The following PCDH15 variants were observed in gnomAD, a reference collection of about 807,000 sequenced individuals.
PCDH15 encodes protocadherin related 15.
PCDH15 carries 129 observed loss-of-function variants against 178.5 expected under a neutral mutation model. The ratio of observed to expected loss-of-function variants is 0.72; its 90% CI spans 0.63 to 0.84. The LOEUF (loss-of-function observed/expected upper bound fraction) is 0.84. Among genes scored for constraint, PCDH15 ranks in the 40% least tolerant of loss-of-function variants. PCDH15 has a pLI of 0.00. For missense variants in PCDH15, 2,230 were observed against 2,099.9 expected (o/e 1.06, Z -1.21); for synonymous variants, 800 against 732.0 (o/e 1.09, Z -1.50).
At chr10:54,669,512 A>G (rs2135485571) in intron 1 of PCDH15, among the ~76,000 whole-genome samples, 1 of 151,358 alleles carries the variant, frequency 6.6e-6, no homozygotes, top group Non-Finnish European at 1.5e-5. Flanking sequence ...AATGATAGGT[A>G]ATATCAATGA....
At chr10:54,432,210 G>GA (rs918415714) in intron 3 of PCDH15, among the ~76,000 whole-genome samples, 3 of 151,576 alleles carry the variant, frequency 2.0e-5, no homozygotes, top group Admixed American at 6.6e-5. Flanking sequence ...CACAAAAATA[G>GA]AAAAAAATTC....
intron 21 of PCDH15, among the ~76,000 whole-genome samples, chr10:53,975,423 C>T (rs2090106909): frequency 1.3e-5 from 2 of 151,700 alleles, no homozygotes; most frequent in South Asian, 4.2e-4. Flanking sequence ...GTTTTTTTTC[C>T]CCCCATAACC....
At chr10:54,988,171 G>C (rs1839416834) in intron 2 of PCDH15, among the ~76,000 whole-genome samples, 1 of 152,120 alleles carries the variant, frequency 6.6e-6, no homozygotes, top group African/African-American at 2.4e-5. Flanking sequence ...TCAGATGGTT[G>C]CAAATGTATG....
intron 2 of PCDH15, among the ~76,000 whole-genome samples, chr10:54,530,533 T>G (rs2083798580): frequency 6.6e-6 from 1 of 152,182 alleles, no homozygotes; most frequent in Admixed American, 6.5e-5. Flanking sequence ...AAAGAATGTT[T>G]GTTGACTTTT....
At chr10:53,952,282 T>G (rs980924503) in intron 23 of PCDH15, among the ~76,000 whole-genome samples, 4 of 152,188 alleles carry the variant, frequency 2.6e-5, no homozygotes, top group Non-Finnish European at 5.9e-5. Context: ...TATAGCCATC[T>G]GAAGGGTGAG....
At chr10:55,319,034 A>T (rs1843811330) in intron 1 of PCDH15, among the ~76,000 whole-genome samples, 1 of 137,752 alleles carries the variant, frequency 7.3e-6, no homozygotes, top group South Asian at 2.4e-4. Flanking sequence ...CCTTGCAAAA[A>T]CAAGAAAACA....
intron 25 of PCDH15, 58 bp downstream of exon 25, chr10:53,938,755 TTA>T (rs2085793590): frequency 6.5e-7 from 1 of 1,545,446 alleles, no homozygotes; most frequent in South Asian, 1.1e-5. Flanking sequence ...GGTATTTCAT[TTA>T]AAAAATTAGC....
Position 54,421,862 on chromosome 10 carries a change from TACACACACTATATATATATATAC to T in PCDH15, c.158-42943_158-42921del, listed in dbSNP as rs1565231376. The stretch of plus-strand genomic sequence containing the variant: ...TACACACACACTATATATATATATA[TACACACACTATATATATATATAC>T]ACACACACACTATATATATATATAC... On this transcript the variant is annotated intron_variant, in intron 3 of 37. Coordinates refer to ENST00000644397, the MANE Select transcript of PCDH15 (RefSeq NM_001384140.1). Among the ~76,000 whole-genome samples the T allele has an allele frequency of 2.6e-3, 298 of 113,940 alleles. 8 individuals carry two copies. The highest frequency in any genetic ancestry group is 0.011 in the African/African-American group (279 of 26,042). The allele number at this position is 113,940 out of a possible 152,430, so 74.7% of individuals were successfully genotyped here. A position where few individuals can be genotyped will look rare whatever the true frequency, so the allele number is the denominator to read the frequency against.
intron 3 of PCDH15, among the ~76,000 whole-genome samples, chr10:54,427,689 A>T (rs1351373455): frequency 3.9e-5 from 6 of 152,108 alleles, no homozygotes; most frequent in Non-Finnish European, 8.8e-5. Flanking sequence ...AATCTATTTA[A>T]TTTTTTCTTT....
chr10:55,389,330 A>G (rs945765283), intron 2 of PCDH15, among the ~76,000 whole-genome samples: 5 of 152,022 alleles, frequency 3.3e-5, no homozygotes, highest in Non-Finnish European at 7.4e-5. Flanking sequence ...TGAACACTAC[A>G]GTGATTTTTT....
chr10:54,866,112 CAT>C (rs369475420), intron 3 of PCDH15, among the ~76,000 whole-genome samples: 2 of 152,124 alleles, frequency 1.3e-5, no homozygotes, highest in African/African-American at 4.8e-5. Flanking sequence ...TTTGAGTGAT[CAT>C]AGTCTACTTC....
At chr10:53,875,184 G>A (rs1414210936) in intron 26 of PCDH15, among the ~76,000 whole-genome samples, 2 of 151,960 alleles carry the variant, frequency 1.3e-5, no homozygotes, top group African/African-American at 4.8e-5. Context: ...ATATTAAGAA[G>A]CCCAATAAAC....
chr10:54,286,878 T>A (rs1028607314), intron 8 of PCDH15, among the ~76,000 whole-genome samples: 9 of 152,180 alleles, frequency 5.9e-5, no homozygotes, highest in African/African-American at 2.2e-4. Context: ...TCCACCCACC[T>A]CCCAAAGTGC....
chr10:55,373,489 C>T (rs1845553285), intron 2 of PCDH15, among the ~76,000 whole-genome samples: 1 of 151,856 alleles, frequency 6.6e-6, no homozygotes, highest in Non-Finnish European at 1.5e-5. Flanking sequence ...TGCAAGAAAG[C>T]TGAGTGATAT....
chr10:55,235,946 T>G (rs1841375064), intron 1 of PCDH15, among the ~76,000 whole-genome samples: 1 of 150,462 alleles, frequency 6.6e-6, no homozygotes, highest in Non-Finnish European at 1.5e-5. Flanking sequence ...TCTCCTTCCA[T>G]TTTCTGACTG....
intron 1 of PCDH15, among the ~76,000 whole-genome samples, chr10:54,787,299 T>C (rs1485525897): frequency 2.0e-5 from 3 of 151,946 alleles, no homozygotes; most frequent in Non-Finnish European, 2.9e-5. Context: ...ACAAAAATCA[T>C]CTTAATGTAT....
chr10:55,077,485 C>G (rs1841936075), intron 2 of PCDH15, among the ~76,000 whole-genome samples: 1 of 146,270 alleles, frequency 6.8e-6, no homozygotes, highest in Admixed American at 6.9e-5. Context: ...TCTTTCCTTT[C>G]CTTCCTTCTT....
intron 2 of PCDH15, among the ~76,000 whole-genome samples, chr10:55,347,106 T>C (rs1844783300): frequency 6.6e-6 from 1 of 151,904 alleles, no homozygotes; most frequent in Non-Finnish European, 1.5e-5. Context: ...TCCCAGCTAC[T>C]TGGGAGGCTG....
intron 3 of PCDH15, among the ~76,000 whole-genome samples, chr10:54,404,200 C>T (rs1952310763): frequency 6.6e-6 from 1 of 151,706 alleles, no homozygotes; most frequent in South Asian, 2.1e-4. Context: ...CAAAAAAGGA[C>T]CTGAATAGCC....
Sources: gnomAD v4.1 joint callset for allele counts (sites outside exome capture counted in the v4.1 genomes callset) on GRCh38, gnomAD v4.1.1 for gene constraint, MANE v1.5 for transcripts, NCBI Gene and HGNC (gene_info 2026-07-23, HGNC 2026-07-21) for gene names.